The following HAO1 variants were observed in gnomAD, a reference collection of about 807,000 sequenced individuals.
HAO1 encodes the protein 2-Hydroxyacid oxidase 1.
Under a neutral mutation model 39.7 loss-of-function variants are expected in HAO1, and 34 were observed. The ratio of observed to expected loss-of-function variants is 0.86; its 90% confidence interval spans 0.65 to 1.14. The LOEUF (loss-of-function observed/expected upper bound fraction) is 1.14, where lower values mean the gene tolerates loss of function less well. Ranked by LOEUF, HAO1 falls within the 50% of genes most tolerant of loss-of-function variation. The probability of loss-of-function intolerance (pLI) is 0.00; values close to 1 mark genes in which losing one functional copy is unlikely to be tolerated. For synonymous variants in HAO1, 172 were observed against 173.2 expected (o/e 0.99, Z 0.05); for missense variants, 479 against 464.5 (o/e 1.03, Z -0.29).
chr20:7,936,547 T>TGTGTG (rs751822933), intron 1 of HAO1, among the ~76,000 whole-genome samples: 50 of 136,686 alleles, frequency 3.7e-4, no homozygotes, highest in South Asian at 5.0e-4. Context: ...TGTGTGTGTG[T>TGTGTG]TCGCGCGCGC....
intron 1 of HAO1, among the ~76,000 whole-genome samples, chr20:7,935,982 G>T (rs1234099487): frequency 6.6e-6 from 1 of 151,838 alleles, no homozygotes; most frequent in East Asian, 1.9e-4. Context: ...AGTGAAGTAT[G>T]ATATAGTAAT....
chr20:7,903,555 T>C lies in HAO1; in HGVS notation c.721+2599A>G, dbSNP rs796692472. ...GGTGGTGGAGGTGGTGGTGGTTGTCTTGGTAATGGTGGTGTTGATGGTGGT... is the reference window on the plus strand; with the variant it reads ...GGTGGTGGAGGTGGTGGTGGTTGTCCTGGTAATGGTGGTGTTGATGGTGGT... On this transcript the variant is annotated intron_variant, in intron 4 of 7. Transcript: ENST00000378789. Among the ~76,000 whole-genome samples the C allele has an allele frequency of 9.3e-5, 13 of 140,428 alleles. No individual in the cohort carries two copies. The East Asian group carries it at 2.9e-3, about 31-fold the overall frequency. 92.1% of individuals were successfully genotyped at this position (140,428 alleles called of 152,430 possible).
intron 2 of HAO1, among the ~76,000 whole-genome samples, chr20:7,928,442 A>ATGCCAGT (rs1418840954): frequency 6.6e-6 from 1 of 151,636 alleles, no homozygotes; most frequent in African/African-American, 2.4e-5. Flanking sequence ...ATCCACTTCT[A>ATGCCAGT]TGCCAGTTTT....
chr20:7,907,274 A>G (rs1283078288), intron 3 of HAO1, among the ~76,000 whole-genome samples: 3 of 152,132 alleles, frequency 2.0e-5, no homozygotes, highest in South Asian at 2.1e-4. Flanking sequence ...TTTCTCTGCC[A>G]GTGGTTTTTT....
intron 3 of HAO1, among the ~76,000 whole-genome samples, chr20:7,912,250 A>G (rs2050283651): frequency 6.6e-6 from 1 of 152,124 alleles, no homozygotes; most frequent in African/African-American, 2.4e-5. Context: ...GGGAAAGCAA[A>G]TCAACCTTCC....
chr20:7,939,071 G>C (rs2235241), intron 1 of HAO1, among the ~76,000 whole-genome samples: 45,442 of 151,960 alleles, frequency 0.3, 7,637 homozygotes, highest in East Asian at 0.48. Context: ...AGTTAATATC[G>C]GCCCAAGAAG....
Position 7,906,251 on chromosome 20 carries a change from A to G in HAO1, c.624T>C (p.Tyr208=). Reference sequence around the variant, plus strand: ...TAGATGGGTCTATTGCTTTAGCCACATATGCAGCAAGTCCACTGTCGTCTC... The same window carrying G: ...TAGATGGGTCTATTGCTTTAGCCACGTATGCAGCAAGTCCACTGTCGTCTC... ...NFGDDSGLAA[Y]VAKAIDPSIS... is the part of the protein sequence containing the mutation. The change falls in exon 4 of 8, where the codon TAT becomes TAC. Residue 208 remains tyrosine (Y), a synonymous_variant. Coordinates refer to ENST00000378789, the MANE Select transcript of HAO1 (RefSeq NM_017545.3). 6.2e-7 allele frequency: 1 copy of G among 1,611,978 alleles called. No homozygotes were observed. The highest frequency in any genetic ancestry group is 8.5e-7 in the Non-Finnish European group (1 of 1,178,104).
chr20:7,888,956 C>G (rs764233098), intron 5 of HAO1, among the ~76,000 whole-genome samples: 1 of 152,142 alleles, frequency 6.6e-6, no homozygotes, highest in Non-Finnish European at 1.5e-5. Context: ...CTGAGCTCAT[C>G]CTATGACAGC....
At chr20:7,927,259 T>C (rs1318450820) in intron 2 of HAO1, among the ~76,000 whole-genome samples, 1 of 152,202 alleles carries the variant, frequency 6.6e-6, no homozygotes, top group Non-Finnish European at 1.5e-5. Flanking sequence ...TTTAGCCTAA[T>C]GATACCACCT....
intron 2 of HAO1, among the ~76,000 whole-genome samples, chr20:7,921,289 CA>C (rs879329268): frequency 6.6e-6 from 1 of 151,986 alleles, no homozygotes; most frequent in Non-Finnish European, 1.5e-5. Context: ...AAAAAGTGGG[CA>C]AAGGACATTT....
chr20:7,897,785 T>C (rs1338973129), intron 4 of HAO1, among the ~76,000 whole-genome samples: 1 of 152,216 alleles, frequency 6.6e-6, no homozygotes, highest in African/African-American at 2.4e-5. Context: ...AGATTCATCT[T>C]GATTTGTTAT....
chr20:7,903,232 T>C (rs2050228901), intron 4 of HAO1, among the ~76,000 whole-genome samples: 1 of 152,008 alleles, frequency 6.6e-6, no homozygotes, highest in South Asian at 2.1e-4. Context: ...CGATGTAAAC[T>C]GTACATGTAT....
At chr20:7,883,732 C>T (rs2050138773) in intron 7 of HAO1, 69 bp from the exon 8 acceptor site, 1 of 1,235,462 alleles carries the variant, frequency 8.1e-7, no homozygotes, top group Non-Finnish European at 1.2e-6. Context: ...ATCGTTTTCC[C>T]AAGGAATGTA....
rs996861023 is a variant in HAO1 at position 7,906,223 on chromosome 20, T to A, written c.652A>T (p.Ser218Cys). ...YVAKAIDPSI[S>C]WEDIKWLRRL... The stretch of plus-strand genomic sequence containing the variant: ...CTCAGCCATTTGATATCTTCCCAGC[T>A]GATAGATGGGTCTATTGCTTTAGCC... Residue 218 changes from serine to cysteine, a missense_variant, in exon 4 of 8, where the codon AGC becomes TGC. Transcript: ENST00000378789. The A allele has an allele frequency of 6.2e-7, 1 of 1,612,424 alleles. No individual in the cohort carries two copies. The highest frequency in any genetic ancestry group is 8.5e-7 in the Non-Finnish European group (1 of 1,178,604).
At chr20:7,893,903 G>T (rs759440821) in intron 5 of HAO1, among the ~76,000 whole-genome samples, 1 of 152,086 alleles carries the variant, frequency 6.6e-6, no homozygotes, top group Non-Finnish European at 1.5e-5. Flanking sequence ...GAAACGGTTG[G>T]GCAGTTACAG....
intron 6 of HAO1, 36 bp from the exon 7 acceptor site, chr20:7,885,626 T>G: frequency 1.3e-6 from 2 of 1,562,038 alleles, no homozygotes; most frequent in Non-Finnish European, 8.8e-7. Context: ...GATTCAGAAC[T>G]AAATCAGTCT....
chr20:7,909,184 T>C (rs2122771318), intron 3 of HAO1, among the ~76,000 whole-genome samples: 1 of 151,886 alleles, frequency 6.6e-6, no homozygotes, highest in Non-Finnish European at 1.5e-5. Context: ...CTTGAATGAA[T>C]GTTGCCTTAC....
chr20:7,906,339 GA>G lies in HAO1; in HGVS notation c.546-11del. ...TTCAAAATTTTTCATCCTAAAATAA[GA>G]AATGCATAAAATGAGAAATTTGCCA... is the stretch of plus-strand genomic sequence containing the variant. On this transcript the variant is annotated splice_polypyrimidine_tract_variant and intron_variant, in intron 3 of 7. Coordinates refer to ENST00000378789, the MANE Select transcript of HAO1 (RefSeq NM_017545.3). The G allele has an allele frequency of 6.6e-7, 1 of 1,518,028 alleles. No individual in the cohort carries two copies. Among genetic ancestry groups the G allele is most frequent in the South Asian group, 1.1e-5 (1 of 87,924 alleles). The allele number at this position is 1,518,028 out of a possible 1,614,324, so 94.0% of individuals were successfully genotyped here.
At chr20:7,901,640 C>T (rs765576516) in intron 4 of HAO1, among the ~76,000 whole-genome samples, 2 of 152,198 alleles carry the variant, frequency 1.3e-5, no homozygotes, top group Non-Finnish European at 2.9e-5. Context: ...TGCCTGTTAA[C>T]ACAACCTCCA....
Sources: gnomAD v4.1 joint callset for allele counts (sites outside exome capture counted in the v4.1 genomes callset) on GRCh38, gnomAD v4.1.1 for gene constraint, MANE v1.5 for transcripts, NCBI Gene and HGNC (gene_info 2026-07-23, HGNC 2026-07-21) for gene names.